The following MLIP variants were observed in gnomAD, a reference collection of about 807,000 sequenced individuals.
MLIP encodes muscular LMNA interacting protein, also known as muscular LMNA-interacting protein.
Under a neutral mutation model 84.8 loss-of-function variants are expected in MLIP, and 79 were observed. The observed-to-expected ratio is 0.93, with a 90% CI of 0.78 to 1.12. The LOEUF (loss-of-function observed/expected upper bound fraction) is 1.12, where lower values mean the gene tolerates loss of function less well. MLIP is among the 50% of genes most tolerant of loss of function. The pLI is 0.00. For synonymous variants in MLIP, 504 were observed against 463.0 expected, an observed-to-expected ratio of 1.09 and a Z score of -1.14; for missense variants, 1,257 against 1,160.6, an observed-to-expected ratio of 1.08 and a Z score of -1.21.
chr6:54,222,701 A>G (rs1235125531), intron 11 of MLIP, among the ~76,000 whole-genome samples: 1 of 152,060 alleles, frequency 6.6e-6, no homozygotes, highest in Non-Finnish European at 1.5e-5. Context: ...ATATCTCTTC[A>G]AGACACTGAT....
At chr6:54,251,441 C>CAG (rs756859263) in intron 12 of MLIP, among the ~76,000 whole-genome samples, 2 of 88,948 alleles carry the variant, frequency 2.2e-5, no homozygotes, top group African/African-American at 1.4e-4. Flanking sequence ...TGAAACAAGC[C>CAG]ATATATATAT....
At chr6:54,096,189 C>T (rs143798434) in intron 1 of MLIP, among the ~76,000 whole-genome samples, 53 of 152,162 alleles carry the variant, frequency 3.5e-4, no homozygotes, top group Middle Eastern at 3.4e-3. Flanking sequence ...CTTTTTAAGA[C>T]CTTTTTTGGG....
chr6:54,079,251 G>A (rs1362170372), intron 1 of MLIP, among the ~76,000 whole-genome samples: 1 of 152,066 alleles, frequency 6.6e-6, no homozygotes, highest in Non-Finnish European at 1.5e-5. Flanking sequence ...AATCCTCATG[G>A]GTGAATCTGT....
At position 54,138,169 on chromosome 6, in the gene MLIP, C is replaced by A. The variant is rs1486101189; in HGVS notation, c.2100C>A (p.Pro700=). 1.6e-5 allele frequency: 25 copies of A among 1,536,148 alleles called. No individual in the cohort carries two copies. Among genetic ancestry groups the A allele is most frequent in the Non-Finnish European group, 2.2e-5 (25 of 1,146,898 alleles). Residue 700 remains proline (P), a synonymous_variant, in exon 4 of 14, where the codon CCC becomes CCA. Coordinates refer to ENST00000502396, the MANE Select transcript of MLIP (RefSeq NM_001281747.2). Reference sequence around the variant, plus strand: ...TTGGGAAATCTGAAAGCACCACCCCCAACCACAGGTCACCTGTTTCAACCC... The same window carrying A: ...TTGGGAAATCTGAAAGCACCACCCCAAACCACAGGTCACCTGTTTCAACCC... The part of the protein sequence containing the change: ...SRLGKSESTT[P]NHRSPVSTPS...
At chr6:54,164,104 AT>A (rs1036928661) in intron 8 of MLIP, among the ~76,000 whole-genome samples, 10 of 151,810 alleles carry the variant, frequency 6.6e-5, no homozygotes, top group African/African-American at 2.4e-4. Flanking sequence ...TCTTACAGAT[AT>A]TTTTTATGGT....
chr6:54,101,239 A>AG (rs917309771), intron 1 of MLIP, among the ~76,000 whole-genome samples: 1 of 152,098 alleles, frequency 6.6e-6, no homozygotes, highest in African/African-American at 2.4e-5. Flanking sequence ...AAAAATATTA[A>AG]GGGGGGAAAA....
intron 10 of MLIP, among the ~76,000 whole-genome samples, chr6:54,193,516 T>C (rs1456985589): frequency 1.3e-5 from 2 of 152,208 alleles, no homozygotes; most frequent in African/African-American, 2.4e-5. Flanking sequence ...TTGCTTTATG[T>C]AGTTTTGGAA....
At chr6:54,098,449 G>A (rs1768391289) in intron 1 of MLIP, among the ~76,000 whole-genome samples, 1 of 150,510 alleles carries the variant, frequency 6.6e-6, no homozygotes, top group Non-Finnish European at 1.5e-5. Flanking sequence ...TTACAGGAGT[G>A]AGCCACTGTG....
intron 1 of MLIP, among the ~76,000 whole-genome samples, chr6:54,082,157 T>G (rs1052888957): frequency 2.6e-5 from 4 of 152,232 alleles, no homozygotes; most frequent in Non-Finnish European, 5.9e-5. Flanking sequence ...GATGCAGGTA[T>G]GTTAATACAT....
At chr6:54,206,928 T>A (rs1779070088) in intron 11 of MLIP, among the ~76,000 whole-genome samples, 1 of 152,232 alleles carries the variant, frequency 6.6e-6, no homozygotes, top group African/African-American at 2.4e-5. Context: ...ATGGCCCATA[T>A]TCTTCTGTCA....
chr6:54,084,110 A>G (rs926558257), intron 1 of MLIP, among the ~76,000 whole-genome samples: 4 of 152,176 alleles, frequency 2.6e-5, no homozygotes, highest in African/African-American at 4.8e-5. Context: ...GTGACTATGA[A>G]TTACAGAAGC....
At chr6:54,072,147 C>T (rs1363340791) in intron 1 of MLIP, among the ~76,000 whole-genome samples, 1 of 152,102 alleles carries the variant, frequency 6.6e-6, no homozygotes, top group Non-Finnish European at 1.5e-5. Context: ...TTTAAAAGAC[C>T]CCACTGACTC....
chr6:54,193,792 T>C (rs548861625), intron 10 of MLIP, among the ~76,000 whole-genome samples: 1 of 152,074 alleles, frequency 6.6e-6, no homozygotes, highest in Non-Finnish European at 1.5e-5. Flanking sequence ...AAAGGAAAGA[T>C]CTAGGGTCTG....
At chr6:54,230,234 T>C (rs1582569218) in intron 11 of MLIP, among the ~76,000 whole-genome samples, 1 of 152,160 alleles carries the variant, frequency 6.6e-6, no homozygotes, top group East Asian at 1.9e-4. Context: ...TGTCATGAAC[T>C]AAACCTTGTA....
intron 1 of MLIP, among the ~76,000 whole-genome samples, chr6:54,120,129 C>G (rs989111338): frequency 6.6e-6 from 1 of 152,056 alleles, no homozygotes; most frequent in Non-Finnish European, 1.5e-5. Context: ...ATGCAAACTT[C>G]TTAAAAGAGA....
chr6:54,122,717 A>G (rs1053807345), intron 2 of MLIP, among the ~76,000 whole-genome samples: 8 of 152,288 alleles, frequency 5.3e-5, no homozygotes, highest in African/African-American at 1.9e-4. Flanking sequence ...TCATTTACAT[A>G]ATATTAATGA....
At chr6:54,249,832 G>T (rs1294011273) in intron 12 of MLIP, among the ~76,000 whole-genome samples, 2 of 151,718 alleles carry the variant, frequency 1.3e-5, no homozygotes, top group Non-Finnish European at 2.9e-5. Context: ...GGGTCCATTT[G>T]CAGGTTTGTT....
intron 11 of MLIP, among the ~76,000 whole-genome samples, chr6:54,206,994 G>T (rs1345975962): frequency 6.6e-6 from 1 of 152,166 alleles, no homozygotes; most frequent in African/African-American, 2.4e-5. Flanking sequence ...TGGGGTAAAT[G>T]TTTAAATGAA....
chr6:54,253,182 CAG>C (rs1215487459), intron 12 of MLIP, among the ~76,000 whole-genome samples: 3 of 152,024 alleles, frequency 2.0e-5, no homozygotes, highest in Non-Finnish European at 2.9e-5. Context: ...ACTTATGAAA[CAG>C]ACAGTATTTG....
Sources: allele counts gnomAD v4.1 joint callset (sites outside exome capture counted in the v4.1 genomes callset), GRCh38; gene constraint gnomAD v4.1.1; transcripts MANE v1.5; gene names NCBI Gene and HGNC (gene_info 2026-07-23, HGNC 2026-07-21).